The following ESRRG variants were observed in gnomAD, a reference collection of about 807,000 sequenced individuals.
The protein encoded by ESRRG is estrogen related receptor gamma.
Under a neutral mutation model 44.0 loss-of-function variants are expected in ESRRG, and 13 were observed. That is an observed-to-expected ratio of 0.30 (90% CI 0.19 to 0.47). The LOEUF (loss-of-function observed/expected upper bound fraction) is 0.47, where lower values mean the gene tolerates loss of function less well. ESRRG is among the 20% of genes least tolerant of loss of function. The pLI, the probability that ESRRG is intolerant of heterozygous loss-of-function variation, is 1.00. For missense variants in ESRRG, 395 were observed against 580.6 expected, an observed-to-expected ratio of 0.68 and a Z score of 3.29; for synonymous variants, 215 against 214.6, an observed-to-expected ratio of 1.00 and a Z score of -0.02.
chr1:217,028,457 T>C (rs1025324085), intron 1 of ESRRG, among the ~76,000 whole-genome samples: 1 of 152,196 alleles, frequency 6.6e-6, no homozygotes, highest in Non-Finnish European at 1.5e-5. Flanking sequence ...AGATATTTGA[T>C]GCCAAGTTCA....
At chr1:216,906,641 A>T (rs1298687227) in intron 2 of ESRRG, among the ~76,000 whole-genome samples, 2 of 152,248 alleles carry the variant, frequency 1.3e-5, no homozygotes, top group Non-Finnish European at 2.9e-5. Context: ...TCATAATGAA[A>T]AGATTAATGT....
chr1:216,810,218 A>G (rs2094926318), intron 2 of ESRRG, among the ~76,000 whole-genome samples: 1 of 152,150 alleles, frequency 6.6e-6, no homozygotes, highest in Non-Finnish European at 1.5e-5. Flanking sequence ...ACACTTCAAG[A>G]CATGCCTCCA....
chr1:216,668,623 T>C (rs2074485009), intron 2 of ESRRG, among the ~76,000 whole-genome samples: 1 of 152,202 alleles, frequency 6.6e-6, no homozygotes. Context: ...ACTCTGATTT[T>C]GCACAACCCA....
At chr1:217,061,402 G>A (rs1200473883) in intron 1 of ESRRG, among the ~76,000 whole-genome samples, 1 of 152,122 alleles carries the variant, frequency 6.6e-6, no homozygotes, top group African/African-American at 2.4e-5. Flanking sequence ...ACAGGCATGA[G>A]TAATGCAAAC....
chr1:216,925,132 A>T (rs1255918561), intron 2 of ESRRG, among the ~76,000 whole-genome samples: 19 of 152,198 alleles, frequency 1.2e-4, no homozygotes, highest in Non-Finnish European at 7.3e-5. Context: ...AACAGGCTGC[A>T]TGACTGTTGT....
chr1:216,836,346 C>A (rs1559816363), intron 2 of ESRRG, among the ~76,000 whole-genome samples: 1 of 152,194 alleles, frequency 6.6e-6, no homozygotes, highest in African/African-American at 2.4e-5. Flanking sequence ...AAAAAGAAAA[C>A]TTCAGGACAG....
chr1:216,598,423 T>C (rs2058739239), intron 3 of ESRRG, among the ~76,000 whole-genome samples: 1 of 152,164 alleles, frequency 6.6e-6, no homozygotes, highest in African/African-American at 2.4e-5. Context: ...ATATAGAATA[T>C]TCAACAAAAA....
intron 1 of ESRRG, among the ~76,000 whole-genome samples, chr1:216,961,499 T>A (rs1165993033): frequency 6.6e-6 from 1 of 151,852 alleles, no homozygotes; most frequent in Non-Finnish European, 1.5e-5. Flanking sequence ...TTCTTAAGGA[T>A]TTCTTTTTTA....
At chr1:216,573,851 A>G (rs2061255076) in intron 3 of ESRRG, among the ~76,000 whole-genome samples, 1 of 152,084 alleles carries the variant, frequency 6.6e-6, no homozygotes, top group South Asian at 2.1e-4. Flanking sequence ...TTAAACTAAT[A>G]CCTTTAAAAT....
intron 2 of ESRRG, among the ~76,000 whole-genome samples, chr1:216,768,461 T>C (rs2093206356): frequency 6.9e-6 from 1 of 145,396 alleles, no homozygotes; most frequent in African/African-American, 2.5e-5. Flanking sequence ...TATCTATCTA[T>C]CTATCTATCT....
chr1:216,889,940 A>T, intron 2 of ESRRG, among the ~76,000 whole-genome samples: 1 of 152,196 alleles, frequency 6.6e-6, no homozygotes, highest in South Asian at 2.1e-4. Flanking sequence ...CAGCATGCAG[A>T]TTGAATAAAG....
At chr1:216,741,294 T>G (rs1488461559) in intron 2 of ESRRG, among the ~76,000 whole-genome samples, 4 of 147,896 alleles carry the variant, frequency 2.7e-5, no homozygotes, top group African/African-American at 9.8e-5. Flanking sequence ...TATTTGTAAT[T>G]TATATTATAT....
At chr1:216,912,327 G>T (rs2060576523) in intron 2 of ESRRG, among the ~76,000 whole-genome samples, 1 of 135,950 alleles carries the variant, frequency 7.4e-6, no homozygotes. Flanking sequence ...AAGGAAGGAA[G>T]GAAGGAAAGA....
chr1:216,904,953 C>A (rs967153565), intron 2 of ESRRG, among the ~76,000 whole-genome samples: 1 of 152,140 alleles, frequency 6.6e-6, no homozygotes, highest in African/African-American at 2.4e-5. Flanking sequence ...GATAGGGCAG[C>A]CTTTCAATAC....
At chr1:217,024,607 C>A (rs974545677) in intron 1 of ESRRG, among the ~76,000 whole-genome samples, 9 of 152,136 alleles carry the variant, frequency 5.9e-5, no homozygotes, top group African/African-American at 2.2e-4. Flanking sequence ...AATTCTTAAT[C>A]TCTATTTTTT....
At chr1:217,040,445 C>T (rs1579941624) in intron 1 of ESRRG, among the ~76,000 whole-genome samples, 1 of 152,062 alleles carries the variant, frequency 6.6e-6, no homozygotes, top group African/African-American at 2.4e-5. Context: ...TGCCCTTGGA[C>T]TAGAATTTCA....
intron 1 of ESRRG, among the ~76,000 whole-genome samples, chr1:217,047,341 C>T (rs1048459088): frequency 1.3e-5 from 2 of 152,128 alleles, no homozygotes; most frequent in African/African-American, 4.8e-5. Flanking sequence ...ATCCTCCCAA[C>T]CAATTCTTTT....
chr1:216,539,834 C>T (rs1374666765), intron 5 of ESRRG, among the ~76,000 whole-genome samples: 10 of 147,518 alleles, frequency 6.8e-5, no homozygotes, highest in Non-Finnish European at 1.0e-4. Context: ...ACCTTTGACG[C>T]AAAAAAAAAG....
chr1:216,841,060 A>G (rs2095645460), intron 2 of ESRRG, among the ~76,000 whole-genome samples: 4 of 152,220 alleles, frequency 2.6e-5, no homozygotes, highest in Admixed American at 2.0e-4. Flanking sequence ...TTGTAGAAAC[A>G]TGCAAGATCT....
Sources: gnomAD v4.1 joint callset for allele counts (sites outside exome capture counted in the v4.1 genomes callset) on GRCh38, gnomAD v4.1.1 for gene constraint, MANE v1.5 for transcripts, NCBI Gene and HGNC (gene_info 2026-07-23, HGNC 2026-07-21) for gene names.